Variants in TFDP2 observed in about 807,000 individuals in gnomAD.
The protein encoded by TFDP2 is transcription factor Dp-2.
In TFDP2, 17 loss-of-function variants were observed where a neutral mutation model predicts 59.3. That is an observed-to-expected ratio of 0.29 (90% confidence interval 0.20 to 0.43). The LOEUF is 0.43. TFDP2 is among the 20% of genes least tolerant of loss of function. The pLI, the probability that TFDP2 is intolerant of heterozygous loss-of-function variation, is 1.00. For missense variants in TFDP2, 391 were observed against 528.8 expected (o/e 0.74, Z 2.56); for synonymous variants, 180 against 194.7 (o/e 0.92, Z 0.63).
intron 6 of TFDP2, among the ~76,000 whole-genome samples, chr3:141,979,267 A>G (rs759090285): frequency 6.6e-6 from 1 of 152,226 alleles, no homozygotes; most frequent in Non-Finnish European, 1.5e-5. Flanking sequence ...CCAGTCCTAT[A>G]AAAGTCTAGC....
At chr3:142,044,240 T>TG (rs1242070812) in intron 3 of TFDP2, 157 of 243,404 alleles carry the variant, frequency 6.5e-4, no homozygotes, top group South Asian at 1.6e-3. Context: ...TTTTTTTTTT[T>TG]TTTTTTTTTT....
chr3:142,140,255 T>A (rs2062895749), intron 1 of TFDP2, among the ~76,000 whole-genome samples: 1 of 152,192 alleles, frequency 6.6e-6, no homozygotes, highest in Non-Finnish European at 1.5e-5. Context: ...TTTATTCTAG[T>A]TAGCCATAAC....
chr3:141,963,687 T>G (rs988345323), intron 10 of TFDP2, 125 bp downstream of exon 10: 2 of 1,111,198 alleles, frequency 1.8e-6, no homozygotes, highest in East Asian at 4.8e-5. Flanking sequence ...AGGTGTTTCA[T>G]GTGCCCCAAG....
intron 3 of TFDP2, among the ~76,000 whole-genome samples, chr3:142,005,989 G>C (rs1031571740): frequency 6.6e-5 from 10 of 152,092 alleles, no homozygotes; most frequent in African/African-American, 1.4e-4. Context: ...TTTCTTTATA[G>C]TATAAAACAC....
At chr3:141,955,180 T>A (rs1208502884) in intron 11 of TFDP2, among the ~76,000 whole-genome samples, 2 of 152,212 alleles carry the variant, frequency 1.3e-5, no homozygotes, top group African/African-American at 4.8e-5. Flanking sequence ...TACAATGAAT[T>A]GGAAAAGCCT....
intron 3 of TFDP2, among the ~76,000 whole-genome samples, chr3:142,067,314 T>C (rs1005046396): frequency 1.3e-5 from 2 of 152,144 alleles, no homozygotes; most frequent in Non-Finnish European, 2.9e-5. Context: ...ATTGCCTTCT[T>C]ATATGCCAGC....
chr3:141,948,596 G>T lies in TFDP2; in HGVS notation c.*3917C>A, dbSNP rs181500137. On this transcript the variant is annotated 3_prime_UTR_variant, in exon 13 of 13. Transcript: ENST00000489671. ...CACCGTGCCCCCCTCTCTCAGTGTGGTTATGGCAGGAATAGCTGAGGTAGT... is the reference window on the plus strand; with the variant it reads ...CACCGTGCCCCCCTCTCTCAGTGTGTTTATGGCAGGAATAGCTGAGGTAGT... The T allele has an allele frequency of 4.7e-3, 708 of 151,678 alleles. 1 individual carries two copies. The highest frequency in any genetic ancestry group is 7.7e-3 in the Non-Finnish European group (527 of 68,250). 9.4% of individuals were successfully genotyped at this position (151,678 alleles called of 1,614,324 possible).
rs946758491 is a variant in TFDP2, at chr3:142,136,595, A to G, written c.-93+12588T>C. On this transcript the variant is annotated intron_variant, in intron 1 of 12. Coordinates refer to ENST00000489671, the MANE Select transcript of TFDP2 (RefSeq NM_001178139.2). ...TTTAATCCATCTTGAATTAATTTTT[A>G]TATAAGGTGTAAGGAAGGGATCCAG... 2.0e-5 allele frequency among the ~76,000 whole-genome samples: 3 copies of G among 152,056 alleles called. 1 individual carries two copies. In the South Asian group the frequency reaches 6.2e-4, roughly 32 times the overall value.
chr3:141,993,878 A>G (rs1023474933), intron 5 of TFDP2, among the ~76,000 whole-genome samples: 4 of 152,254 alleles, frequency 2.6e-5, no homozygotes, highest in African/African-American at 7.2e-5. Context: ...AATACTGACT[A>G]TAAAAACACC....
chr3:142,000,470 T>C (rs1224112436), intron 4 of TFDP2: 1 of 513,836 alleles, frequency 1.9e-6, no homozygotes, highest in East Asian at 3.0e-5. Context: ...CCCCGCCTCT[T>C]AATACCACCA....
At chr3:141,980,125 GA>G (rs1257303349) in intron 6 of TFDP2, among the ~76,000 whole-genome samples, 1 of 150,910 alleles carries the variant, frequency 6.6e-6, no homozygotes, top group Non-Finnish European at 1.5e-5. Flanking sequence ...GGCTGCTCTT[GA>G]ACTCCTGACC....
intron 3 of TFDP2, among the ~76,000 whole-genome samples, chr3:142,023,256 C>T (rs1945799252): frequency 6.6e-6 from 1 of 151,612 alleles, no homozygotes; most frequent in Admixed American, 6.6e-5. Context: ...GTGATCTCAG[C>T]TCACCGTAAC....
intron 9 of TFDP2, among the ~76,000 whole-genome samples, chr3:141,968,960 CATAT>C (rs1200648327): frequency 1.1e-5 from 1 of 89,580 alleles, no homozygotes; most frequent in Non-Finnish European, 1.9e-5. Context: ...ATATATAACA[CATAT>C]ATATCTCATA....
At chr3:142,092,260 AT>A (rs2061019191) in intron 3 of TFDP2, among the ~76,000 whole-genome samples, 1 of 152,178 alleles carries the variant, frequency 6.6e-6, no homozygotes, top group Non-Finnish European at 1.5e-5. Flanking sequence ...ACCACAAGAT[AT>A]TGTTCAAAGA....
intron 3 of TFDP2, among the ~76,000 whole-genome samples, chr3:142,038,140 T>G (rs1946775073): frequency 6.6e-6 from 1 of 152,084 alleles, no homozygotes; most frequent in Admixed American, 6.5e-5. Context: ...ATCCCAGCAC[T>G]CTGGGAGGCC....
chr3:142,052,818 C>CT (rs968627269), intron 3 of TFDP2, among the ~76,000 whole-genome samples: 58 of 150,522 alleles, frequency 3.9e-4, no homozygotes, highest in African/African-American at 1.1e-3. Context: ...TCTTTTTTTT[C>CT]TTTTTTTTTG....
intron 10 of TFDP2, among the ~76,000 whole-genome samples, chr3:141,961,583 T>C (rs1937369830): frequency 6.6e-6 from 1 of 152,132 alleles, no homozygotes; most frequent in Non-Finnish European, 1.5e-5. Context: ...TGGTCCTCTT[T>C]GACATATATT....
chr3:142,107,521 C>T (rs1576999966), intron 1 of TFDP2, among the ~76,000 whole-genome samples: 2 of 152,000 alleles, frequency 1.3e-5, no homozygotes, highest in Admixed American at 1.3e-4. Flanking sequence ...TGTGAGCCAC[C>T]GCACCCGGCC....
intron 2 of TFDP2, among the ~76,000 whole-genome samples, chr3:142,098,181 A>AT (rs1345912284): frequency 2.0e-5 from 3 of 148,250 alleles, no homozygotes; most frequent in Admixed American, 1.4e-4. Flanking sequence ...TCTCTAGGCT[A>AT]TTTTTTCTTT....
Sources: gnomAD v4.1 joint callset for allele counts (sites outside exome capture counted in the v4.1 genomes callset) on GRCh38, gnomAD v4.1.1 for gene constraint, MANE v1.5 for transcripts, NCBI Gene and HGNC (gene_info 2026-07-23, HGNC 2026-07-21) for gene names.